The following TM7SF3 variants were observed in gnomAD, a reference collection of about 807,000 sequenced individuals.
The protein encoded by TM7SF3 is seven span transmembrane protein.
A neutral mutation model predicts 65.5 loss-of-function variants in TM7SF3; 60 were observed. The ratio of observed to expected loss-of-function variants is 0.92; its 90% CI spans 0.74 to 1.14. The LOEUF (loss-of-function observed/expected upper bound fraction) is 1.14. Ranked by LOEUF, TM7SF3 falls within the 50% of genes most tolerant of loss-of-function variation. TM7SF3 has a pLI of 0.00. For missense variants in TM7SF3, 623 were observed against 684.8 expected (o/e 0.91, Z 1.01); for synonymous variants, 264 against 259.6 (o/e 1.02, Z -0.16).
chr12:26,998,373 C>T (rs979827368), intron 3 of TM7SF3, among the ~76,000 whole-genome samples: 5 of 152,132 alleles, frequency 3.3e-5, no homozygotes, highest in Admixed American at 3.3e-4. Flanking sequence ...AATCTCACCC[C>T]TCCACTCCAG....
chr12:26,981,926 C>G (rs1592276182), intron 7 of TM7SF3, among the ~76,000 whole-genome samples: 1 of 152,332 alleles, frequency 6.6e-6, no homozygotes, highest in South Asian at 2.1e-4. Flanking sequence ...CAGGACTGAG[C>G]AGACATTTCA....
Position 26,979,938 on chromosome 12 carries a change from T to C in TM7SF3, c.1037-2A>G. The C allele has an allele frequency of 6.2e-7, 1 of 1,614,080 alleles. No individual in the cohort carries two copies. The highest frequency in any genetic ancestry group is 8.5e-7 in the Non-Finnish European group (1 of 1,180,006). On this transcript the variant is annotated splice_acceptor_variant, in intron 8 of 11. Coordinates refer to ENST00000343028, the MANE Select transcript of TM7SF3 (RefSeq NM_016551.3). LOFTEE classifies it high-confidence loss of function. Reference sequence around the variant, plus strand: ...TGACAGCTGTCAGAATCAGATTCACTGTACAAAGAGAGAGGATGAACTGCT... The same window carrying C: ...TGACAGCTGTCAGAATCAGATTCACCGTACAAAGAGAGAGGATGAACTGCT...
chr12:26,995,620 C>A (rs916308941), intron 4 of TM7SF3, among the ~76,000 whole-genome samples: 2 of 152,180 alleles, frequency 1.3e-5, no homozygotes, highest in African/African-American at 4.8e-5. Flanking sequence ...TATGCTGAGA[C>A]CCTCACTCCC....
intron 5 of TM7SF3, among the ~76,000 whole-genome samples, chr12:26,994,120 T>C (rs971336903): frequency 1.2e-4 from 18 of 152,312 alleles, no homozygotes; most frequent in Middle Eastern, 6.8e-3. Flanking sequence ...ATACAAGTTC[T>C]TATATTCTTC....
Position 27,003,403 on chromosome 12 carries a change from A to G in TM7SF3, c.92-13T>C. ...AATTCAATAAGACCTACAACGAGAT[A>G]AACTTTTCATTACAACACTTGTACT... On this transcript the variant is annotated splice_polypyrimidine_tract_variant and intron_variant, in intron 1 of 11. Transcript: ENST00000343028. The G allele has an allele frequency of 6.2e-7, 1 of 1,602,226 alleles. No homozygotes were observed. The highest frequency in any genetic ancestry group is 8.5e-7 in the Non-Finnish European group (1 of 1,176,112).
At chr12:27,000,658 A>G (rs1940794136) in intron 2 of TM7SF3, among the ~76,000 whole-genome samples, 1 of 152,084 alleles carries the variant, frequency 6.6e-6, no homozygotes, top group South Asian at 2.1e-4. Context: ...ACGAGGTTTC[A>G]CCATGTTAGC....
chr12:26,992,270 T>TTTTTTA (rs1555217579), intron 5 of TM7SF3, among the ~76,000 whole-genome samples: 10 of 151,210 alleles, frequency 6.6e-5, no homozygotes, highest in African/African-American at 2.4e-4. Context: ...ATTTTATTTT[T>TTTTTTA]TTATTATTAT....
At position 27,003,406 on chromosome 12, in the gene TM7SF3, C is replaced by T. The variant is rs1470997076; in HGVS notation, c.92-16G>A. 6.2e-7 allele frequency: 1 copy of T among 1,600,028 alleles called. No individual in the cohort carries two copies. On this transcript the variant is annotated splice_polypyrimidine_tract_variant and intron_variant, in intron 1 of 11. Coordinates refer to ENST00000343028, the MANE Select transcript of TM7SF3 (RefSeq NM_016551.3). ...TCAATAAGACCTACAACGAGATAAA[C>T]TTTTCATTACAACACTTGTACTCTC...
At chr12:26,989,529 TAG>T (rs1565875455) in intron 6 of TM7SF3, among the ~76,000 whole-genome samples, 1 of 151,912 alleles carries the variant, frequency 6.6e-6, no homozygotes, top group South Asian at 2.1e-4. Flanking sequence ...CAATTGCATA[TAG>T]AGAGAGAAGA....
At chr12:27,010,209 C>A (rs1941194212) in intron 1 of TM7SF3, among the ~76,000 whole-genome samples, 1 of 152,162 alleles carries the variant, frequency 6.6e-6, no homozygotes, top group South Asian at 2.1e-4. Flanking sequence ...TTTAAACTGC[C>A]CAAGGCTACA....
intron 6 of TM7SF3, among the ~76,000 whole-genome samples, chr12:26,988,133 G>T (rs1332874726): frequency 6.6e-6 from 1 of 151,998 alleles, no homozygotes; most frequent in Non-Finnish European, 1.5e-5. Flanking sequence ...TGCAATGTGG[G>T]ATCCTAAACT....
intron 5 of TM7SF3, among the ~76,000 whole-genome samples, chr12:26,992,871 T>G (rs1351782991): frequency 6.6e-6 from 1 of 151,766 alleles, no homozygotes; most frequent in African/African-American, 2.4e-5. Flanking sequence ...TAATTTCTTA[T>G]TAGCTAATAA....
chr12:26,977,601 A>T (rs1939622444), intron 9 of TM7SF3, among the ~76,000 whole-genome samples: 2 of 152,080 alleles, frequency 1.3e-5, no homozygotes, highest in Admixed American at 6.5e-5. Flanking sequence ...TAAAAATATA[A>T]AAATGAGCTG....
At chr12:26,977,508 C>G (rs1452771318) in intron 9 of TM7SF3, among the ~76,000 whole-genome samples, 1 of 152,226 alleles carries the variant, frequency 6.6e-6, no homozygotes. Flanking sequence ...AATCCCAACA[C>G]TTTGGGAGGC....
intron 6 of TM7SF3, among the ~76,000 whole-genome samples, chr12:26,989,511 T>G (rs899527387): frequency 3.3e-5 from 5 of 151,976 alleles, no homozygotes; most frequent in African/African-American, 1.2e-4. Flanking sequence ...CCTACACTGT[T>G]CAAAGGTCAA....
At chr12:26,985,649 A>T (rs1940032085) in intron 6 of TM7SF3, among the ~76,000 whole-genome samples, 1 of 47,442 alleles carries the variant, frequency 2.1e-5, no homozygotes. Context: ...AAAAAAAAAA[A>T]AAAATATATA....
At chr12:27,010,523 C>G (rs998391034) in intron 1 of TM7SF3, among the ~76,000 whole-genome samples, 8 of 152,132 alleles carry the variant, frequency 5.3e-5, no homozygotes, top group Non-Finnish European at 1.2e-4. Flanking sequence ...ACAGATTTAG[C>G]AAAAGAAGAC....
chr12:27,013,013 A>AAAAG, intron 1 of TM7SF3: 1 of 234,084 alleles, frequency 4.3e-6, no homozygotes, highest in Non-Finnish European at 8.6e-6. Context: ...AAAAAAAAAA[A>AAAAG]AGTCACCTGA....
intron 3 of TM7SF3, 67 bp from the exon 4 acceptor site, chr12:26,996,929 C>T (rs186598466): frequency 1.3e-6 from 2 of 1,515,854 alleles, no homozygotes; most frequent in East Asian, 4.7e-5. Context: ...CTCAGAAAAA[C>T]AGAACTCTAT....
Sources: allele counts gnomAD v4.1 joint callset (sites outside exome capture counted in the v4.1 genomes callset), GRCh38; gene constraint gnomAD v4.1.1; transcripts MANE v1.5; gene names NCBI Gene and HGNC (gene_info 2026-07-23, HGNC 2026-07-21).